FBXO11: variants seen among roughly 807,000 people sequenced by gnomAD.
The protein encoded by FBXO11 is F-box protein 11, also known as F-box only protein 11.
FBXO11 carries 13 observed loss-of-function variants against 117.0 expected under a neutral mutation model. The ratio of observed to expected loss-of-function variants is 0.11; its 90% confidence interval spans 0.07 to 0.18. The LOEUF is 0.18. Ranked by LOEUF, FBXO11 falls within the 10% of genes least tolerant of loss-of-function variation. The pLI, the probability that FBXO11 is intolerant of heterozygous loss-of-function variation, is 1.00. For missense variants in FBXO11, 767 were observed against 1,164.4 expected, an observed-to-expected ratio of 0.66 and a Z score of 4.97; for synonymous variants, 490 against 380.5, an observed-to-expected ratio of 1.29 and a Z score of -3.35.
intron 1 of FBXO11, among the ~76,000 whole-genome samples, chr2:47,867,600 T>C (rs1445144559): frequency 1.3e-5 from 2 of 152,210 alleles, no homozygotes; most frequent in Non-Finnish European, 2.9e-5. Flanking sequence ...GTGATATAGA[T>C]TTGAGAAATT....
chr2:47,885,817 C>T (rs975159625), intron 1 of FBXO11, among the ~76,000 whole-genome samples: 3 of 152,164 alleles, frequency 2.0e-5, no homozygotes, highest in Non-Finnish European at 4.4e-5. Context: ...TCTTCTATGG[C>T]CTTTGGCCCA....
chr2:47,828,032 C>T (rs1312412663), intron 11 of FBXO11, among the ~76,000 whole-genome samples: 1 of 152,114 alleles, frequency 6.6e-6, no homozygotes, highest in Non-Finnish European at 1.5e-5. Flanking sequence ...CCCTGTCACC[C>T]AAGCTGGAGC....
intron 18 of FBXO11, 81 bp downstream of exon 18, chr2:47,813,153 T>A (rs1670744123): frequency 1.5e-6 from 2 of 1,354,524 alleles, no homozygotes; most frequent in African/African-American, 2.9e-5. Flanking sequence ...ATAACTTAGT[T>A]AGCAATGTCA....
intron 7 of FBXO11, 69 bp from the exon 8 acceptor site, chr2:47,833,139 G>C: frequency 2.0e-6 from 2 of 1,013,224 alleles, no homozygotes; most frequent in Non-Finnish European, 3.0e-6. Flanking sequence ...TTTATGGAGG[G>C]GGAACTTACT....
At chr2:47,878,169 T>C (rs1032970921) in intron 1 of FBXO11, among the ~76,000 whole-genome samples, 32 of 152,272 alleles carry the variant, frequency 2.1e-4, no homozygotes, top group African/African-American at 7.5e-4. Context: ...TTTTTCCTGA[T>C]TCAGCCCTTT....
At chr2:47,817,740 A>T (rs968473984) in intron 16 of FBXO11, among the ~76,000 whole-genome samples, 1 of 152,350 alleles carries the variant, frequency 6.6e-6, no homozygotes. Flanking sequence ...AGGGACAGAG[A>T]TGGGAATGGC....
At chr2:47,895,417 T>C (rs1456737289) in intron 1 of FBXO11, among the ~76,000 whole-genome samples, 1 of 152,104 alleles carries the variant, frequency 6.6e-6, no homozygotes, top group Non-Finnish European at 1.5e-5. Flanking sequence ...GAGTACATAC[T>C]GGGGGGTTAC....
intron 16 of FBXO11, among the ~76,000 whole-genome samples, chr2:47,814,773 T>G (rs181881132): frequency 6.6e-6 from 1 of 152,264 alleles, no homozygotes. Context: ...AATGTTGTTA[T>G]AGCATTTTGC....
At chr2:47,870,211 C>A (rs908116989) in intron 1 of FBXO11, among the ~76,000 whole-genome samples, 1 of 152,184 alleles carries the variant, frequency 6.6e-6, no homozygotes, top group Non-Finnish European at 1.5e-5. Flanking sequence ...CCCTAATACA[C>A]ATGGATTTTT....
chr2:47,824,760 A>T (rs1465592500), intron 11 of FBXO11, among the ~76,000 whole-genome samples: 1 of 152,198 alleles, frequency 6.6e-6, no homozygotes, highest in Non-Finnish European at 1.5e-5. Flanking sequence ...GTTTCTTCAT[A>T]CTTTGAATTT....
chr2:47,861,273 A>G (rs17037021), intron 1 of FBXO11, among the ~76,000 whole-genome samples: 8,660 of 151,902 alleles, frequency 0.057, 266 homozygotes, highest in Non-Finnish European at 0.069. Context: ...TAGATATTGT[A>G]ATTGACTTCA....
chr2:47,844,893 T>TCC lies in FBXO11; in HGVS notation c.233-5126_233-5125dup, dbSNP rs551146928. 1.2e-4 allele frequency among the ~76,000 whole-genome samples: 18 copies of TCC among 152,298 alleles called. No homozygotes were observed. In the South Asian group the frequency reaches 2.5e-3, roughly 21 times the overall value. ...CTCAAGTGATCCGCCTAACTTGGCC[T>TCC]CCCAAAGTGCTGGGATTACAGGCAT... On this transcript the variant is annotated intron_variant, in intron 1 of 22. Transcript: ENST00000403359.
In FBXO11 at chr2:47,839,761, C is replaced by T. The variant is rs1484539577; in HGVS notation, c.241G>A (p.Val81Met). The change falls in exon 2 of 23, where the codon GTG (valine) becomes ATG (methionine). Residue 81 changes from valine to methionine, a missense_variant. By Grantham distance (21) the Val-to-Met change is conservative. Transcript: ENST00000403359. ...RNNVGERDDD[V>M]PADMVAEESG... ...TCTTCTGCAACCATATCTGCAGGCA[C>T]ATCATCATCTGTTATAAACAAAAGC... 1 of 1,612,544 alleles carries T rather than the reference C, an allele frequency of 6.2e-7. No individual in the cohort carries two copies. Among genetic ancestry groups the T allele is most frequent in the African/African-American group, 1.3e-5 (1 of 74,802 alleles).
chr2:47,848,842 T>C (rs1673620892), intron 1 of FBXO11, among the ~76,000 whole-genome samples: 1 of 152,244 alleles, frequency 6.6e-6, no homozygotes, highest in Non-Finnish European at 1.5e-5. Flanking sequence ...CAGAATACCT[T>C]TTTATATACC....
Position 47,900,761 on chromosome 2 carries a change from T to C in FBXO11, c.232+4728A>G, listed in dbSNP as rs1411660467. 6.7e-5 allele frequency among the ~76,000 whole-genome samples: 7 copies of C among 105,182 alleles called. No individual in the cohort carries two copies. In the South Asian group the frequency reaches 1.4e-3, roughly 20 times the overall value. The allele number at this position is 105,182 out of a possible 152,430, so 69.0% of individuals were successfully genotyped here. On this transcript the variant is annotated intron_variant, in intron 1 of 22. Transcript: ENST00000403359. ...ATATATATACACGTATACACACACG[T>C]GTATATATATACACGTATACACACA...
chr2:47,854,972 A>G (rs1674168208), intron 1 of FBXO11, among the ~76,000 whole-genome samples: 1 of 152,072 alleles, frequency 6.6e-6, no homozygotes, highest in African/African-American at 2.4e-5. Flanking sequence ...AGGCACAATA[A>G]AAAAGACTCC....
chr2:47,810,547 A>G, intron 18 of FBXO11, 121 bp from the exon 19 acceptor site: 2 of 575,070 alleles, frequency 3.5e-6, no homozygotes, highest in South Asian at 2.7e-5. Flanking sequence ...TCACAGGACT[A>G]TTTTTTCAGC....
intron 1 of FBXO11, among the ~76,000 whole-genome samples, chr2:47,885,518 T>G (rs573339561): frequency 1.3e-5 from 2 of 151,606 alleles, no homozygotes; most frequent in East Asian, 1.9e-4. Flanking sequence ...GAGGCTGCAG[T>G]GAGCCGAGCT....
At chr2:47,810,600 C>A (rs1670543636) in intron 18 of FBXO11, 174 bp from the exon 19 acceptor site, 2 of 501,938 alleles carry the variant, frequency 4.0e-6, no homozygotes, top group Non-Finnish European at 7.0e-6. Context: ...AAGGATCTAA[C>A]AAAATTGCTA....
Sources: gnomAD v4.1 joint callset for allele counts (sites outside exome capture counted in the v4.1 genomes callset) on GRCh38, gnomAD v4.1.1 for gene constraint, MANE v1.5 for transcripts, NCBI Gene and HGNC (gene_info 2026-07-23, HGNC 2026-07-21) for gene names.